CLEC2D: variants seen among roughly 807,000 people sequenced by gnomAD.
The protein encoded by CLEC2D is C-type lectin related f.
CLEC2D carries 16 observed loss-of-function variants against 20.0 expected under a neutral mutation model. The ratio of observed to expected loss-of-function variants is 0.80; its 90% CI spans 0.54 to 1.22. The LOEUF (loss-of-function observed/expected upper bound fraction) is 1.22, where lower values mean the gene tolerates loss of function less well. CLEC2D is among the 50% of genes most tolerant of loss of function. The pLI, the probability that CLEC2D is intolerant of heterozygous loss-of-function variation, is 0.00. For synonymous variants in CLEC2D, 77 were observed against 71.1 expected, an observed-to-expected ratio of 1.08 and a Z score of -0.42; for missense variants, 207 against 221.5, an observed-to-expected ratio of 0.93 and a Z score of 0.42.
chr12:9,673,836 A>G (rs974642614), intron 1 of CLEC2D, among the ~76,000 whole-genome samples: 1 of 152,164 alleles, frequency 6.6e-6, no homozygotes, highest in Non-Finnish European at 1.5e-5. Context: ...TGCCACAGCC[A>G]GTTTGCTGCA....
chr12:9,680,899 A>C (rs1021756014), intron 1 of CLEC2D, 24 bp from the exon 2 acceptor site: 3 of 1,144,886 alleles, frequency 2.6e-6, no homozygotes, highest in Non-Finnish European at 4.0e-6. Context: ...AATTGTTAAA[A>C]TGTTTTTCAA....
chr12:9,673,634 A>T (rs1865465895), intron 1 of CLEC2D, among the ~76,000 whole-genome samples: 1 of 152,266 alleles, frequency 6.6e-6, no homozygotes, highest in African/African-American at 2.4e-5. Context: ...TGGTCTCTTC[A>T]GAGCCAGCAG....
intron 3 of CLEC2D, among the ~76,000 whole-genome samples, chr12:9,690,427 A>G (rs1423284935): frequency 6.6e-6 from 1 of 152,108 alleles, no homozygotes; most frequent in Non-Finnish European, 1.5e-5. Flanking sequence ...AAAATAAAGA[A>G]TATTCATAAA....
intron 2 of CLEC2D, among the ~76,000 whole-genome samples, chr12:9,683,322 GTTTTTTGTGTTTGTTTTTTTTTT>G (rs1865678148): frequency 1.2e-5 from 1 of 80,880 alleles, no homozygotes; most frequent in Non-Finnish European, 2.4e-5. Flanking sequence ...ATGATAGTTT[GTTTTTTGTGTTTGTTTTTTTTTT>G]TTTTTTTTTG....
chr12:9,689,815 A>G (rs1409927617), intron 3 of CLEC2D, among the ~76,000 whole-genome samples: 1 of 152,080 alleles, frequency 6.6e-6, no homozygotes, highest in East Asian at 1.9e-4. Flanking sequence ...AACAATCCAG[A>G]CTAAGAAAAA....
chr12:9,691,145 A>G (rs1865853867), intron 3 of CLEC2D, among the ~76,000 whole-genome samples: 1 of 152,116 alleles, frequency 6.6e-6, no homozygotes, highest in Non-Finnish European at 1.5e-5. Flanking sequence ...AAACAAAATA[A>G]ACTAAAGTAA....
intron 1 of CLEC2D, among the ~76,000 whole-genome samples, chr12:9,672,040 C>T (rs929557128): frequency 2.0e-5 from 3 of 152,060 alleles, no homozygotes; most frequent in South Asian, 2.1e-4. Context: ...ACAGAATACC[C>T]AAGACTGGGT....
rs1322208400 is a variant in CLEC2D, at chr12:9,694,918, A to T, written c.*44A>T. 3.0e-6 allele frequency: 3 copies of T among 987,114 alleles called. No individual in the cohort carries two copies. In the African/African-American group the frequency reaches 4.8e-5, roughly 16 times the overall value. The allele number at this position is 987,114 out of a possible 1,614,324, so 61.1% of individuals were successfully genotyped here. On this transcript the variant is annotated 3_prime_UTR_variant, in exon 5 of 5. Coordinates refer to ENST00000290855, the MANE Select transcript of CLEC2D (RefSeq NM_013269.6). ...AACTAATCTTTAGAAGCATATTGGA[A>T]CTGATAACTCCATTTTAAAATGAGC... is the stretch of plus-strand genomic sequence containing the variant.
At chr12:9,684,175 TTGTC>T (rs1865705089) in intron 2 of CLEC2D, among the ~76,000 whole-genome samples, 3 of 152,186 alleles carry the variant, frequency 2.0e-5, no homozygotes. Context: ...GGCTCTCTGT[TTGTC>T]TGTTATTGGT....
At chr12:9,669,822 G>T in intron 1 of CLEC2D, 27 bp downstream of exon 1, 1 of 1,570,070 alleles carries the variant, frequency 6.4e-7, no homozygotes, top group Non-Finnish European at 8.8e-7. Context: ...TACAGAGTAA[G>T]TGTGAGGACT....
Position 9,688,032 on chromosome 12 carries a change from G to GT in CLEC2D, c.307dup (p.Cys103LeufsTer2). The GT allele has an allele frequency of 3.1e-6, 5 of 1,612,760 alleles. No homozygotes were observed. Among genetic ancestry groups the GT allele is most frequent in the Non-Finnish European group, 4.2e-6 (5 of 1,179,400 alleles). On this transcript the variant is annotated frameshift_variant, in exon 3 of 5. Coordinates refer to ENST00000290855, the MANE Select transcript of CLEC2D (RefSeq NM_013269.6). LOFTEE classifies it high-confidence loss of function. ...CCAAGAACTGGACATCAAGTCAGAG[G>GT]TTTTGTGACTCACAAGATGCTGATC...
chr12:9,686,804 G>A (rs1222055648), intron 2 of CLEC2D, among the ~76,000 whole-genome samples: 1 of 152,210 alleles, frequency 6.6e-6, no homozygotes, highest in East Asian at 1.9e-4. Flanking sequence ...AGAAAAGCCT[G>A]TCCAGTGAAG....
Position 9,694,867 on chromosome 12 carries a change from A to G in CLEC2D, c.569A>G (p.His190Arg), listed in dbSNP as rs200901665. 8.0e-5 allele frequency: 123 copies of G among 1,547,032 alleles called. No individual in the cohort carries two copies. The highest frequency in any genetic ancestry group is 1.0e-4 in the Non-Finnish European group (115 of 1,119,256). The change falls in exon 5 of 5, where the codon CAT becomes CGT. Residue 190 changes from histidine to arginine, a missense_variant. Physicochemically the swap from His to Arg is conservative, Grantham distance 29. Coordinates refer to ENST00000290855, the MANE Select transcript of CLEC2D (RefSeq NM_013269.6). ...TGGATTTGTTCCAAATCAGATATAC[A>G]TGTCTAGATGTTACAGCAAAGCCCC... is the stretch of plus-strand genomic sequence containing the variant. ...RKWICSKSDI[H>R]V
At chr12:9,682,949 T>A (rs1865666144) in intron 2 of CLEC2D, among the ~76,000 whole-genome samples, 1 of 152,328 alleles carries the variant, frequency 6.6e-6, no homozygotes, top group Non-Finnish European at 1.5e-5. Flanking sequence ...TTGAACTAAT[T>A]TACACTCCCA....
intron 2 of CLEC2D, among the ~76,000 whole-genome samples, chr12:9,686,142 C>T (rs1865744178): frequency 6.6e-6 from 1 of 151,584 alleles, no homozygotes; most frequent in African/African-American, 2.4e-5. Flanking sequence ...GAAGCAGCGC[C>T]CCACCCTGCT....
At chr12:9,689,564 A>G (rs901464063) in intron 3 of CLEC2D, among the ~76,000 whole-genome samples, 5 of 152,178 alleles carry the variant, frequency 3.3e-5, no homozygotes, top group African/African-American at 9.7e-5. Flanking sequence ...AGCTGTCTTA[A>G]GTATAACCAA....
chr12:9,683,886 GT>G (rs149143626), intron 2 of CLEC2D, among the ~76,000 whole-genome samples: 27 of 147,490 alleles, frequency 1.8e-4, no homozygotes, highest in Non-Finnish European at 1.9e-4. Context: ...GAAATTTAAA[GT>G]TTTTTTTTTT....
chr12:9,674,913 T>C (rs994461292), intron 1 of CLEC2D, among the ~76,000 whole-genome samples: 9 of 152,196 alleles, frequency 5.9e-5, no homozygotes, highest in African/African-American at 1.9e-4. Context: ...CTTTCTCTTA[T>C]ATTATCTTCT....
intron 4 of CLEC2D, 114 bp from the exon 5 acceptor site, chr12:9,694,646 C>T: frequency 1.5e-6 from 1 of 672,744 alleles, no homozygotes. Flanking sequence ...CAAGGAAAAA[C>T]AGCATTATTT....
Sources: gnomAD v4.1 joint callset for allele counts (sites outside exome capture counted in the v4.1 genomes callset) on GRCh38, gnomAD v4.1.1 for gene constraint, MANE v1.5 for transcripts, NCBI Gene and HGNC (gene_info 2026-07-23, HGNC 2026-07-21) for gene names.